The following ETV3 variants were observed in gnomAD, a reference collection of about 807,000 sequenced individuals.
The protein encoded by ETV3 is ETS variant transcription factor 3.
Under a neutral mutation model 33.0 loss-of-function variants are expected in ETV3, and 8 were observed. The observed-to-expected ratio is 0.24, with a 90% CI of 0.14 to 0.44. The LOEUF (loss-of-function observed/expected upper bound fraction) is 0.44. Ranked by LOEUF, ETV3 falls within the 20% of genes least tolerant of loss-of-function variation. The pLI, the probability that ETV3 is intolerant of heterozygous loss-of-function variation, is 1.00. For synonymous variants in ETV3, 222 were observed against 238.9 expected, an observed-to-expected ratio of 0.93 and a Z score of 0.65; for missense variants, 473 against 652.3, an observed-to-expected ratio of 0.73 and a Z score of 2.99.
rs568015565 is a variant in ETV3, at chr1:157,125,638, C to T, written c.742G>A (p.Ala248Thr). 3.9e-5 allele frequency: 61 copies of T among 1,551,614 alleles called. No homozygotes were observed. In the Middle Eastern group the frequency reaches 2.2e-3, roughly 55 times the overall value. Residue 248 changes from alanine (A) to threonine (T), a missense_variant, in exon 5 of 5, where the codon GCT (alanine) becomes ACT (threonine). Physicochemically the swap from Ala to Thr is moderately conservative, Grantham distance 58. This residue lies in a region of ETV3 where 410 missense variants were observed against 520.2 expected (regional missense o/e 0.79). Transcript: ENST00000368192. This position sits in a 1 kb window ranked among gnomAD's most constrained non-coding sequence, Gnocchi z 4.0. ...CCGCGGCCAGGGATTGGAGAGACAG[C>T]GAAGGGACTGTGGGGGTCAGGGTAC... is the stretch of plus-strand genomic sequence containing the variant. The part of the protein sequence containing the change: ...GMYPDPHSPF[A>T]VSPIPGRGGV...
chr1:157,125,488 T>C lies in ETV3; in HGVS notation c.892A>G (p.Met298Val). Residue 298 changes from methionine to valine, a missense_variant, in exon 5 of 5, where the codon ATG (methionine) becomes GTG (valine). Transcript: ENST00000368192. This position sits in a 1 kb window ranked among gnomAD's most constrained non-coding sequence, Gnocchi z 4.0. Reference sequence around the variant, plus strand: ...GCTTGAGAATGAAGGTAGTGTTTCATTTCCTCAGGGTTGAAGGAGAAGCAG... The same window carrying C: ...GCTTGAGAATGAAGGTAGTGTTTCACTTCCTCAGGGTTGAAGGAGAAGCAG... ...SSCFSFNPEE[M>V]KHYLHSQACS... is the part of the protein sequence containing the mutation. 5 of 1,552,210 alleles carry C rather than the reference T, an allele frequency of 3.2e-6. No homozygotes were observed. Among genetic ancestry groups the C allele is most frequent in the Non-Finnish European group, 3.5e-6 (4 of 1,147,110 alleles).
chr1:157,135,857 G>C (rs1229724359), intron 2 of ETV3, 149 bp from the exon 3 acceptor site: 1 of 768,098 alleles, frequency 1.3e-6, no homozygotes, highest in Non-Finnish European at 2.1e-6. Context: ...AACCACAATG[G>C]GGAGAGGAAA....
chr1:157,121,751 GA>G lies in ETV3; in HGVS notation c.*3089del, dbSNP rs2103195616. On this transcript the variant is annotated 3_prime_UTR_variant, in exon 5 of 5. Transcript: ENST00000368192. The stretch of plus-strand genomic sequence containing the variant: ...AGCCAACTGACTCTACCCACTTGGT[GA>G]GAAGTGATATACTTCAACTATTTTT... 1 of 152,316 alleles carries G rather than the reference GA, an allele frequency of 6.6e-6. No homozygotes were observed. Among genetic ancestry groups the G allele is most frequent in the East Asian group, 1.9e-4 (1 of 5,184 alleles). The allele number at this position is 152,316 out of a possible 1,614,324, so 9.4% of individuals were successfully genotyped here.
Position 157,124,754 on chromosome 1 carries a change from T to TGCCCCCC in ETV3, c.*86_*87insGGGGGGC. 6.1e-6 allele frequency: 2 copies of TGCCCCCC among 328,824 alleles called. No homozygotes were observed. The highest frequency in any genetic ancestry group is 1.2e-5 in the Non-Finnish European group (2 of 168,370). The allele number at this position is 328,824 out of a possible 1,614,324, so 20.4% of individuals were successfully genotyped here. ...CCTAGAATGATCAAACCAGTTTAAC[T>TGCCCCCC]CCCTCCCCCCCACCCTGAAATCTTG... On this transcript the variant is annotated 3_prime_UTR_variant, in exon 5 of 5. Coordinates refer to ENST00000368192, the MANE Select transcript of ETV3 (RefSeq NM_001145312.3).
rs1277892086 is a variant in ETV3, at chr1:157,124,064, T to C, written c.*777A>G. On this transcript the variant is annotated 3_prime_UTR_variant, in exon 5 of 5. Transcript: ENST00000368192. ...CCTCATGGCTTCTTAATAGGTGAAG[T>C]AGGTGAAAAGTCTGAGAAGCTCACA... 1 of 151,992 alleles carries C rather than the reference T, an allele frequency of 6.6e-6. No homozygotes were observed. The highest frequency in any genetic ancestry group is 2.4e-5 in the African/African-American group (1 of 41,414). 9.4% of individuals were successfully genotyped at this position (151,992 alleles called of 1,614,324 possible). A position where few individuals can be genotyped will look rare whatever the true frequency, so the allele number is the denominator to read the frequency against.
intron 1 of ETV3, among the ~76,000 whole-genome samples, chr1:157,138,082 C>T (rs911940196): frequency 6.6e-5 from 10 of 152,206 alleles, no homozygotes; most frequent in African/African-American, 2.4e-4. Flanking sequence ...GGCCGGGCTT[C>T]CCTTAACCGT....
At chr1:157,134,755 TTCA>T (rs1675056124) in intron 3 of ETV3, among the ~76,000 whole-genome samples, 1 of 152,198 alleles carries the variant, frequency 6.6e-6, no homozygotes, top group African/African-American at 2.4e-5. Flanking sequence ...CCGCCTCACC[TTCA>T]AAGACTCAAA....
chr1:157,126,049 T>G, intron 4 of ETV3, 70 bp from the exon 5 acceptor site: 1 of 1,344,836 alleles, frequency 7.4e-7, no homozygotes, highest in Non-Finnish European at 9.9e-7. Context: ...TTATGCTAAC[T>G]AAGTGCAAAA....
At chr1:157,126,927 GCTGA>G (rs1446012775) in intron 4 of ETV3, among the ~76,000 whole-genome samples, 1 of 149,490 alleles carries the variant, frequency 6.7e-6, no homozygotes, top group Non-Finnish European at 1.5e-5. Context: ...AGCTGCCCTG[GCTGA>G]CTGTGGGGAG....
rs1330918977 is a variant in ETV3 at position 157,138,383 on chromosome 1, C to T, written c.-81G>A. ...GCGTCTCCGGCTCCTCCTCATCCACCCCAGCAGGAAGTGACCTCCTCGGCT... is the reference window on the plus strand; with the variant it reads ...GCGTCTCCGGCTCCTCCTCATCCACTCCAGCAGGAAGTGACCTCCTCGGCT... On this transcript the variant is annotated 5_prime_UTR_variant, in exon 1 of 5. Coordinates refer to ENST00000368192, the MANE Select transcript of ETV3 (RefSeq NM_001145312.3). 2.6e-5 allele frequency: 4 copies of T among 152,396 alleles called. No homozygotes were observed. The highest frequency in any genetic ancestry group is 5.9e-5 in the Non-Finnish European group (4 of 68,228). 9.4% of individuals were successfully genotyped at this position (152,396 alleles called of 1,614,324 possible). A position where few individuals can be genotyped will look rare whatever the true frequency, so the allele number is the denominator to read the frequency against.
rs531889229 is a variant in ETV3 at position 157,133,979 on chromosome 1, T to G, written c.400+133A>C. 2.6e-4 allele frequency: 375 copies of G among 1,465,860 alleles called. 1 individual carries two copies. In the African/African-American group the frequency reaches 5.0e-3, roughly 20 times the overall value. The allele number at this position is 1,465,860 out of a possible 1,614,324, so 90.8% of individuals were successfully genotyped here. A position where few individuals can be genotyped will look rare whatever the true frequency, so the allele number is the denominator to read the frequency against. Reference sequence around the variant, plus strand: ...AGTGAGATGACTTGAGTAAGAACATTGAGGCAATCCAAAGGATCACATTAT... The same window carrying G: ...AGTGAGATGACTTGAGTAAGAACATGGAGGCAATCCAAAGGATCACATTAT... On this transcript the variant is annotated intron_variant, in intron 4 of 4. Transcript: ENST00000368192.
At chr1:157,137,524 AC>A in intron 1 of ETV3, among the ~76,000 whole-genome samples, 1 of 150,926 alleles carries the variant, frequency 6.6e-6, no homozygotes. Flanking sequence ...ACACACACAC[AC>A]ACACACACAC....
At chr1:157,130,809 C>G (rs373980947) in intron 4 of ETV3, among the ~76,000 whole-genome samples, 5 of 151,906 alleles carry the variant, frequency 3.3e-5, no homozygotes, top group African/African-American at 1.2e-4. Flanking sequence ...AATCATGGTA[C>G]AAAATTTAAA....
chr1:157,128,204 G>C (rs567436726), intron 4 of ETV3, among the ~76,000 whole-genome samples: 1 of 152,090 alleles, frequency 6.6e-6, no homozygotes, highest in East Asian at 1.9e-4. Flanking sequence ...GCATGGGACT[G>C]AGTAACACTA....
rs1015178690 is a variant in ETV3, at chr1:157,121,522, A to G, written c.*3319T>C. On this transcript the variant is annotated 3_prime_UTR_variant, in exon 5 of 5. Coordinates refer to ENST00000368192, the MANE Select transcript of ETV3 (RefSeq NM_001145312.3). ...TCACAAATCCCTGCATCACAATTCTATAACTCAAAGAATGCTTAAATATCT... is the reference window on the plus strand; with the variant it reads ...TCACAAATCCCTGCATCACAATTCTGTAACTCAAAGAATGCTTAAATATCT... The G allele has an allele frequency of 3.9e-5, 6 of 152,350 alleles. No individual in the cohort carries two copies. Among genetic ancestry groups the G allele is most frequent in the African/African-American group, 9.6e-5 (4 of 41,584 alleles). 9.4% of individuals were successfully genotyped at this position (152,350 alleles called of 1,614,324 possible).
chr1:157,125,933 C>A lies in ETV3; in HGVS notation c.447G>T (p.Arg149=). Residue 149 remains arginine, a synonymous_variant, in exon 5 of 5, where the codon CGG becomes CGT. Transcript: ENST00000368192. This position sits in a 1 kb window ranked among gnomAD's most constrained non-coding sequence, Gnocchi z 4.0. ...SAPPVPTASS[R]FHFPPLDTHS... ...GGGTGTCCAGAGGTGGGAAATGGAA[C>A]CGGGAAGAGGCTGTTGGCACTGGTG... 2 of 1,551,614 alleles carry A rather than the reference C, an allele frequency of 1.3e-6. No individual in the cohort carries two copies. The highest frequency in any genetic ancestry group is 1.7e-6 in the Non-Finnish European group (2 of 1,146,946).
At chr1:157,129,526 A>G (rs1165858033) in intron 4 of ETV3, among the ~76,000 whole-genome samples, 1 of 152,232 alleles carries the variant, frequency 6.6e-6, no homozygotes, top group African/African-American at 2.4e-5. Context: ...AAGACTTAAG[A>G]TAATTAAAAA....
chr1:157,137,538 A>T (rs993346354), intron 1 of ETV3, among the ~76,000 whole-genome samples: 1 of 135,326 alleles, frequency 7.4e-6, no homozygotes, highest in Admixed American at 7.8e-5. Context: ...ACACACACAC[A>T]CACTCTCACA....
chr1:157,125,766 C>A lies in ETV3; in HGVS notation c.614G>T (p.Gly205Val). 6.4e-7 allele frequency: 1 copy of A among 1,551,684 alleles called. No individual in the cohort carries two copies. Among genetic ancestry groups the A allele is most frequent in the African/African-American group, 1.4e-5 (1 of 73,168 alleles). The change falls in exon 5 of 5, where the codon GGT (glycine) becomes GTT (valine). Residue 205 changes from glycine to valine, a missense_variant. By Grantham distance (109) the Gly-to-Val change is moderately radical (BLOSUM62 -3). Around this residue, in one of 3 missense-constraint regions of ETV3, gnomAD observed 410 missense variants for 520.2 expected, o/e 0.79. Transcript: ENST00000368192. This position sits in a 1 kb window ranked among gnomAD's most constrained non-coding sequence, Gnocchi z 4.0. ...ATTCCTGGAGGACACGGGATCCACACCCCGGCGCCAGTCAGCAGCTGAGCC... is the reference window on the plus strand; with the variant it reads ...ATTCCTGGAGGACACGGGATCCACAACCCGGCGCCAGTCAGCAGCTGAGCC... ...EDGSAADWRRGVDPVSSRNAI... is the reference protein window; with the variant it reads ...EDGSAADWRRVVDPVSSRNAI...
Sources: allele counts gnomAD v4.1 joint callset (sites outside exome capture counted in the v4.1 genomes callset), GRCh38; gene constraint gnomAD v4.1.1; regional missense constraint gnomAD v4.1.1; non-coding constraint Gnocchi (gnomAD v3.1); transcripts MANE v1.5; gene names NCBI Gene and HGNC (gene_info 2026-07-23, HGNC 2026-07-21).